ADK: variants seen among roughly 807,000 people sequenced by gnomAD.
The protein encoded by ADK is adenosine kinase, also known as N6,N6-dimethyladenosine kinase.
In ADK, 24 loss-of-function variants were observed where a neutral mutation model predicts 44.7. That is an observed-to-expected ratio of 0.54 (90% CI 0.39 to 0.76). The LOEUF is 0.76. ADK is among the 30% of genes least tolerant of loss of function. The pLI, the probability that ADK is intolerant of heterozygous loss-of-function variation, is 0.00. For synonymous variants in ADK, 128 were observed against 142.6 expected, an observed-to-expected ratio of 0.90 and a Z score of 0.73; for missense variants, 321 against 425.1, an observed-to-expected ratio of 0.76 and a Z score of 2.15.
At chr10:74,261,272 C>T (rs779389217) in intron 3 of ADK, among the ~76,000 whole-genome samples, 4 of 151,978 alleles carry the variant, frequency 2.6e-5, no homozygotes, top group Non-Finnish European at 4.4e-5. Flanking sequence ...TGCTAATCTC[C>T]CCCCTCAGTG....
chr10:74,275,177 TCTC>T, intron 3 of ADK, among the ~76,000 whole-genome samples: 1 of 152,106 alleles, frequency 6.6e-6, no homozygotes, highest in Non-Finnish European at 1.5e-5. Context: ...TCCAGCTTCT[TCTC>T]ATGTAGTCGA....
chr10:74,698,148 C>A (rs1188598035), intron 10 of ADK, among the ~76,000 whole-genome samples: 1 of 152,182 alleles, frequency 6.6e-6, no homozygotes, highest in Non-Finnish European at 1.5e-5. Flanking sequence ...GCTAGAGGAC[C>A]TAAAGTCTAT....
intron 10 of ADK, among the ~76,000 whole-genome samples, chr10:74,700,490 G>A (rs182554273): frequency 1.8e-3 from 281 of 152,186 alleles, no homozygotes; most frequent in African/African-American, 6.3e-3. Context: ...TGATCCACCC[G>A]CCTCAGCCTC....
In ADK at chr10:74,700,422, T is replaced by C. The variant is rs573443350; in HGVS notation, c.965-7899T>C. On this transcript the variant is annotated intron_variant, in intron 10 of 10. Coordinates refer to ENST00000539909, the MANE Select transcript of ADK (RefSeq NM_006721.4). ...CACACCCGGCTAATTTTTGTATTTT[T>C]AGTAGAGACAGGATTTCACCACGTT... Among the ~76,000 whole-genome samples the C allele has an allele frequency of 3.9e-5, 6 of 152,242 alleles. No homozygotes were observed. In the East Asian group the frequency reaches 1.2e-3, roughly 29 times the overall value.
chr10:74,436,429 T>C (rs1401736532), intron 6 of ADK, among the ~76,000 whole-genome samples: 4 of 151,704 alleles, frequency 2.6e-5, no homozygotes, highest in Non-Finnish European at 5.9e-5. Flanking sequence ...TTAAGTGGAA[T>C]TGAATCATCA....
chr10:74,670,541 A>G (rs984539355), intron 10 of ADK, among the ~76,000 whole-genome samples: 1 of 152,200 alleles, frequency 6.6e-6, no homozygotes, highest in Non-Finnish European at 1.5e-5. Context: ...TGCATAAACA[A>G]ACTGCATCAA....
At chr10:74,161,287 C>A (rs953443505) in intron 1 of ADK, among the ~76,000 whole-genome samples, 2 of 152,146 alleles carry the variant, frequency 1.3e-5, no homozygotes, top group African/African-American at 4.8e-5. Flanking sequence ...CTGCAACATT[C>A]ACCTCTCAGG....
chr10:74,474,378 CAT>C (rs770878627), intron 6 of ADK, among the ~76,000 whole-genome samples: 4 of 152,220 alleles, frequency 2.6e-5, no homozygotes, highest in East Asian at 3.8e-4. Context: ...GCTGAGATCA[CAT>C]GTGTGACCCA....
rs75220549 is a variant in ADK at position 74,680,480 on chromosome 10, G to A, written c.964+10211G>A. ...CAAACAGCTAACAGTGGATGTACTG[G>A]GAGGTGGCTGAATGAAATAATCACT... On this transcript the variant is annotated intron_variant, in intron 10 of 10. Transcript: ENST00000539909. Among the ~76,000 whole-genome samples the A allele has an allele frequency of 0.014, 2,068 of 152,164 alleles. 45 individuals carry two copies. The highest frequency in any genetic ancestry group is 0.013 in the Non-Finnish European group (887 of 67,978).
intron 10 of ADK, among the ~76,000 whole-genome samples, chr10:74,682,575 CTTTT>C (rs11298231): frequency 1.5e-5 from 2 of 133,026 alleles, no homozygotes; most frequent in Non-Finnish European, 1.6e-5. Flanking sequence ...CTTTTCTTTT[CTTTT>C]TTTTTTTTTT....
intron 3 of ADK, among the ~76,000 whole-genome samples, chr10:74,299,931 TCAAATTTTTCTAAA>T (rs2132511198): frequency 6.6e-6 from 1 of 152,320 alleles, no homozygotes; most frequent in African/African-American, 2.4e-5. Flanking sequence ...TGGTCAAGAT[TCAAATTTTTCTAAA>T]CAAGGAGAAG....
chr10:74,232,560 C>G (rs796795745), intron 3 of ADK, among the ~76,000 whole-genome samples: 3 of 105,314 alleles, frequency 2.8e-5, no homozygotes, highest in Non-Finnish European at 5.7e-5. Flanking sequence ...CCCCCCCCCC[C>G]AAAAAAAAAC....
At chr10:74,681,723 A>C (rs1855608934) in intron 10 of ADK, among the ~76,000 whole-genome samples, 1 of 151,966 alleles carries the variant, frequency 6.6e-6, no homozygotes, top group African/African-American at 2.4e-5. Context: ...GATGGCGGGC[A>C]CCTGTAATCC....
At chr10:74,561,100 C>T (rs1182645284) in intron 7 of ADK, among the ~76,000 whole-genome samples, 3 of 152,196 alleles carry the variant, frequency 2.0e-5, no homozygotes, top group Non-Finnish European at 4.4e-5. Context: ...GGTCGAAGAG[C>T]TTTGGCTGCA....
intron 4 of ADK, among the ~76,000 whole-genome samples, chr10:74,368,096 GT>G (rs1842549427): frequency 6.6e-6 from 1 of 152,140 alleles, no homozygotes; most frequent in Non-Finnish European, 1.5e-5. Flanking sequence ...GTTTGGAGAG[GT>G]TTTCAGGAAA....
intron 1 of ADK, chr10:74,176,754 C>T: frequency 6.5e-7 from 1 of 1,547,084 alleles, no homozygotes; most frequent in Non-Finnish European, 8.7e-7. Context: ...TGTGTGAGGA[C>T]GCGCTCCCAG....
chr10:74,649,194 C>A (rs1267017547), intron 9 of ADK, among the ~76,000 whole-genome samples: 1 of 152,034 alleles, frequency 6.6e-6, no homozygotes, highest in Non-Finnish European at 1.5e-5. Context: ...GCCTGGATGA[C>A]AGACCGAGAC....
Position 74,356,002 on chromosome 10 carries a change from A to ATATTGT in ADK, c.274-38138_274-38137insATTGTT, listed in dbSNP as rs57958159. 2.3e-3 allele frequency among the ~76,000 whole-genome samples: 194 copies of ATATTGT among 83,304 alleles called. 21 individuals carry two copies. The highest frequency in any genetic ancestry group is 8.0e-3 in the African/African-American group (156 of 19,616). The allele number at this position is 83,304 out of a possible 152,430, so 54.7% of individuals were successfully genotyped here. On this transcript the variant is annotated intron_variant, in intron 4 of 10. Coordinates refer to ENST00000539909, the MANE Select transcript of ADK (RefSeq NM_006721.4). ...TCTGAAATATTTCACTAAATAATTC[A>ATATTGT]TTTTTTTTTTTTTTTTTTTTTTTTT...
intron 7 of ADK, among the ~76,000 whole-genome samples, chr10:74,528,478 A>G (rs971293187): frequency 6.6e-5 from 10 of 151,844 alleles, no homozygotes; most frequent in Non-Finnish European, 1.3e-4. Context: ...AAAAAAAAAA[A>G]AGACTCCAAA....
Sources: gnomAD v4.1 joint callset for allele counts (sites outside exome capture counted in the v4.1 genomes callset) on GRCh38, gnomAD v4.1.1 for gene constraint, MANE v1.5 for transcripts, NCBI Gene and HGNC (gene_info 2026-07-23, HGNC 2026-07-21) for gene names.